Variants in ADARB2 observed in about 807,000 individuals in gnomAD.
ADARB2 encodes adenosine deaminase RNA specific B2 (inactive).
In ADARB2, 25 loss-of-function variants were observed where a neutral mutation model predicts 62.2. The observed-to-expected ratio is 0.40, with a 90% CI of 0.29 to 0.56. The LOEUF is 0.56. ADARB2 is among the 20% of genes least tolerant of loss of function. The pLI is 0.43. For missense variants in ADARB2, 1,071 were observed against 1,077.4 expected (o/e 0.99, Z 0.08); for synonymous variants, 572 against 500.8 (o/e 1.14, Z -1.90).
chr10:1,370,552 C>A (rs527662876), intron 2 of ADARB2, among the ~76,000 whole-genome samples: 2 of 152,264 alleles, frequency 1.3e-5, no homozygotes, highest in South Asian at 2.1e-4. Flanking sequence ...ACCTAGGAAA[C>A]CCTAAAGACT....
intron 1 of ADARB2, among the ~76,000 whole-genome samples, chr10:1,679,181 G>A (rs1334034982): frequency 6.6e-6 from 1 of 152,172 alleles, no homozygotes; most frequent in Non-Finnish European, 1.5e-5. Flanking sequence ...AAGGCATCGA[G>A]GAGCTGCCCT....
At chr10:1,495,880 C>T (rs987603867) in intron 1 of ADARB2, among the ~76,000 whole-genome samples, 6 of 151,928 alleles carry the variant, frequency 3.9e-5, no homozygotes, top group African/African-American at 1.5e-4. Flanking sequence ...TCATTATTAT[C>T]ATAATCACCT....
chr10:1,729,833 T>A (rs1835210423), intron 1 of ADARB2, among the ~76,000 whole-genome samples: 1 of 152,226 alleles, frequency 6.6e-6, no homozygotes, highest in Admixed American at 6.5e-5. Context: ...CCATCCTATT[T>A]TAATACCACC....
chr10:1,286,892 A>G lies in ADARB2; in HGVS notation c.1078-15823T>C, dbSNP rs78958719. Among the ~76,000 whole-genome samples the G allele has an allele frequency of 5.3e-3, 800 of 152,296 alleles. 15 individuals are homozygous for G. Among genetic ancestry groups the G allele is most frequent in the African/African-American group, 0.018 (743 of 41,546 alleles). On this transcript the variant is annotated intron_variant, in intron 3 of 9. Coordinates refer to ENST00000381312, the MANE Select transcript of ADARB2 (RefSeq NM_018702.4). ...TAAGCTCAGCATCCAGCACTCAAAT[A>G]CCAGCTGCTGTTGTTATTGCCATTA...
chr10:1,326,422 T>A (rs1831846748), intron 3 of ADARB2, among the ~76,000 whole-genome samples: 2 of 152,194 alleles, frequency 1.3e-5, no homozygotes, highest in African/African-American at 4.8e-5. Context: ...AGAAGGGTGA[T>A]CTGGCAGGAA....
At position 1,233,816 on chromosome 10, in the gene ADARB2, A is replaced by G; in HGVS notation, c.1391T>C (p.Ile464Thr). 6.2e-7 allele frequency: 1 copy of G among 1,614,004 alleles called. No individual in the cohort carries two copies. The highest frequency in any genetic ancestry group is 2.2e-5 in the East Asian group (1 of 44,872). ...GCCACCTTCTTTTAACCGCACGAAT[A>G]TCGATCGCTCTGAGTCCTCGCGCCG... ...SKRREDSERS[I>T]FVRLKEGGYR... The change falls in exon 6 of 10, where the codon ATA (isoleucine) becomes ACA (threonine). Residue 464 changes from isoleucine to threonine, a missense_variant. Ile to Thr is a moderately conservative substitution (Grantham distance 89). Transcript: ENST00000381312.
intron 1 of ADARB2, among the ~76,000 whole-genome samples, chr10:1,440,488 C>T (rs1477615932): frequency 6.6e-6 from 1 of 151,028 alleles, no homozygotes; most frequent in Non-Finnish European, 1.5e-5. Context: ...CTTTTTGGAG[C>T]CAGAGCCCAC....
intron 1 of ADARB2, among the ~76,000 whole-genome samples, chr10:1,516,471 T>G (rs1832010265): frequency 6.6e-6 from 1 of 152,062 alleles, no homozygotes; most frequent in Non-Finnish European, 1.5e-5. Flanking sequence ...CTGTGCGGGC[T>G]TTGTGTGGGC....
intron 1 of ADARB2, among the ~76,000 whole-genome samples, chr10:1,492,326 A>T (rs1831632291): frequency 6.6e-6 from 1 of 152,118 alleles, no homozygotes; most frequent in South Asian, 2.1e-4. Flanking sequence ...GTGTTTGGAT[A>T]TTGGGTCCTA....
At position 1,330,903 on chromosome 10, in the gene ADARB2, C is replaced by A. The variant is rs545694909; in HGVS notation, c.1077+32125G>T. 2.6e-5 allele frequency among the ~76,000 whole-genome samples: 4 copies of A among 152,188 alleles called. No homozygotes were observed. In the East Asian group the frequency reaches 7.7e-4, roughly 29 times the overall value. ...CTATGTCTGATAATGGTATGATATA[C>A]CCGAATACATAATAACATTTTATAA... On this transcript the variant is annotated intron_variant, in intron 3 of 9. Transcript: ENST00000381312.
chr10:1,730,373 G>T (rs1835215810), intron 1 of ADARB2, among the ~76,000 whole-genome samples: 1 of 152,190 alleles, frequency 6.6e-6, no homozygotes, highest in Non-Finnish European at 1.5e-5. Flanking sequence ...ATCCGTGGGA[G>T]ATTTTGCTTG....
chr10:1,451,014 C>T (rs1025499060), intron 1 of ADARB2, among the ~76,000 whole-genome samples: 52 of 152,176 alleles, frequency 3.4e-4, no homozygotes, highest in Non-Finnish European at 3.2e-4. Context: ...ATGGTGTCTG[C>T]TGTGTGCAAG....
At chr10:1,466,478 T>G (rs1831256685) in intron 1 of ADARB2, among the ~76,000 whole-genome samples, 1 of 152,288 alleles carries the variant, frequency 6.6e-6, no homozygotes, top group South Asian at 2.1e-4. Flanking sequence ...CGGAGGTCCT[T>G]GCGACGGCCG....
intron 4 of ADARB2, among the ~76,000 whole-genome samples, chr10:1,245,532 C>T (rs1380824287): frequency 6.8e-6 from 1 of 148,082 alleles, no homozygotes; most frequent in East Asian, 2.0e-4. Context: ...GTTCCCCTTC[C>T]TGTGTGCATG....
chr10:1,472,387 T>C (rs926759749), intron 1 of ADARB2, among the ~76,000 whole-genome samples: 8 of 151,394 alleles, frequency 5.3e-5, no homozygotes, highest in Admixed American at 3.3e-4. Flanking sequence ...GCCACGCGGC[T>C]CAGGGGTCAG....
chr10:1,510,110 C>CTCTTTTTCTTTCTT (rs1831908783), intron 1 of ADARB2, among the ~76,000 whole-genome samples: 3 of 106,184 alleles, frequency 2.8e-5, no homozygotes, highest in East Asian at 2.8e-4. Context: ...CTTTCTTTCT[C>CTCTTTTTCTTTCTT]TCTTTCTTTC....
At chr10:1,512,756 C>T (rs995871621) in intron 1 of ADARB2, among the ~76,000 whole-genome samples, 4 of 152,194 alleles carry the variant, frequency 2.6e-5, no homozygotes, top group African/African-American at 9.6e-5. Context: ...GTTTGTCCCC[C>T]AGGGATGTGG....
In ADARB2 at chr10:1,490,070, G is replaced by A. The variant is rs530570828; in HGVS notation, c.101-110910C>T. 3.3e-5 allele frequency among the ~76,000 whole-genome samples: 5 copies of A among 152,280 alleles called. No individual in the cohort carries two copies. The South Asian group carries it at 1.0e-3, about 32-fold the overall frequency. On this transcript the variant is annotated intron_variant, in intron 1 of 9. Coordinates refer to ENST00000381312, the MANE Select transcript of ADARB2 (RefSeq NM_018702.4). ...TTAGCTGTCAGGTAAGTGAGCCTGT[G>A]CAAGATGCTGTCATCAGAGAATACA...
chr10:1,444,817 C>A (rs938222953), intron 1 of ADARB2, among the ~76,000 whole-genome samples: 4 of 149,826 alleles, frequency 2.7e-5, no homozygotes, highest in African/African-American at 4.9e-5. Flanking sequence ...TTCCATACAC[C>A]CAGCCATCCA....
Sources: allele counts gnomAD v4.1 joint callset (sites outside exome capture counted in the v4.1 genomes callset), GRCh38; gene constraint gnomAD v4.1.1; transcripts MANE v1.5; gene names NCBI Gene and HGNC (gene_info 2026-07-23, HGNC 2026-07-21).